Variants in CPB2 observed in about 807,000 individuals in gnomAD.
CPB2 encodes carboxypeptidase B-like protein.
In CPB2, 54 loss-of-function variants were observed where a neutral mutation model predicts 57.0. The ratio of observed to expected loss-of-function variants is 0.95; its 90% CI spans 0.76 to 1.19. CPB2 has a LOEUF of 1.19. CPB2 is among the 50% of genes most tolerant of loss of function. The pLI is 0.00. For synonymous variants in CPB2, 189 were observed against 178.1 expected (o/e 1.06, Z -0.49); for missense variants, 426 against 512.0 (o/e 0.83, Z 1.62).
chr13:46,055,016 G>A (rs1487428067), intron 10 of CPB2, among the ~76,000 whole-genome samples: 1 of 150,880 alleles, frequency 6.6e-6, no homozygotes, highest in East Asian at 2.0e-4. Context: ...CTCCCAAAGT[G>A]CTGGTATTAC....
chr13:46,078,976 C>T, intron 4 of CPB2, 75 bp from the exon 5 acceptor site: 1 of 914,980 alleles, frequency 1.1e-6, no homozygotes, highest in Non-Finnish European at 1.8e-6. Flanking sequence ...AAGCAGACAA[C>T]TTCTTCAGAG....
chr13:46,066,680 T>C (rs2044859367), intron 7 of CPB2, among the ~76,000 whole-genome samples: 1 of 151,708 alleles, frequency 6.6e-6, no homozygotes, highest in Non-Finnish European at 1.5e-5. Flanking sequence ...CTGTCTCTAC[T>C]AAAAATACAA....
At chr13:46,086,358 A>T (rs1357331443) in intron 2 of CPB2, among the ~76,000 whole-genome samples, 1 of 152,098 alleles carries the variant, frequency 6.6e-6, no homozygotes, top group African/African-American at 2.4e-5. Context: ...GGTGAAGAGG[A>T]GCTTTACTGA....
intron 2 of CPB2, among the ~76,000 whole-genome samples, chr13:46,084,547 A>T (rs1173272404): frequency 6.7e-6 from 1 of 149,726 alleles, no homozygotes. Flanking sequence ...TCTAGTTGCT[A>T]AAAAAAAATA....
Position 46,055,775 on chromosome 13 carries a change from G to T in CPB2, c.1074C>A (p.Gly358=). 6.3e-7 allele frequency: 1 copy of T among 1,586,690 alleles called. No individual in the cohort carries two copies. The highest frequency in any genetic ancestry group is 8.6e-7 in the Non-Finnish European group (1 of 1,159,708). The change falls in exon 10 of 11, where the codon GGC becomes GGA. Residue 358 remains glycine, a synonymous_variant. Coordinates refer to ENST00000181383, the MANE Select transcript of CPB2 (RefSeq NM_001872.5). ...SKNTRYTHGH[G]SETLYLAPGG... ...AGAAATACTTACATAAGGTTTCTGA[G>T]CCATGGCCATGTGTATACCTGGTAT... is the stretch of plus-strand genomic sequence containing the variant.
chr13:46,068,699 C>G (rs9567611), intron 6 of CPB2, among the ~76,000 whole-genome samples: 47,040 of 145,592 alleles, frequency 0.32, 7,257 homozygotes, highest in African/African-American at 0.36. Context: ...CCTAGCCCCC[C>G]ACCCCCGACA....
chr13:46,067,409 T>C lies in CPB2; in HGVS notation c.600A>G (p.Gln200=), dbSNP rs997627968. 9.9e-6 allele frequency: 15 copies of C among 1,509,392 alleles called. No individual in the cohort carries two copies. Among genetic ancestry groups the C allele is most frequent in the Admixed American group, 8.5e-5 (5 of 58,884 alleles). 93.5% of individuals were successfully genotyped at this position (1,509,392 alleles called of 1,614,324 possible). A position where few individuals can be genotyped will look rare whatever the true frequency, so the allele number is the denominator to read the frequency against. ...FCLWFIGHIT[Q]FYGIIGQYTN... ...TATATTGCCCTATTATCCCATAGAA[T>C]TGAGTTATCTGCAAATTAAACCAAG... The change falls in exon 7 of 11, where the codon CAA becomes CAG. Residue 200 remains glutamine, a synonymous_variant. Coordinates refer to ENST00000181383, the MANE Select transcript of CPB2 (RefSeq NM_001872.5).
chr13:46,078,761 C>T (rs1443288708), intron 5 of CPB2, 39 bp downstream of exon 5: 2 of 1,266,768 alleles, frequency 1.6e-6, no homozygotes, highest in Non-Finnish European at 2.3e-6. Context: ...TAATCCCTCC[C>T]CTCACAGTGA....
chr13:46,069,129 T>C (rs2044899680), intron 6 of CPB2, among the ~76,000 whole-genome samples: 1 of 152,326 alleles, frequency 6.6e-6, no homozygotes, highest in South Asian at 2.1e-4. Flanking sequence ...GGAATCTTTC[T>C]ACAAAAAGTT....
chr13:46,078,237 A>G (rs2045054152), intron 5 of CPB2, among the ~76,000 whole-genome samples: 1 of 152,198 alleles, frequency 6.6e-6, no homozygotes, highest in Non-Finnish European at 1.5e-5. Flanking sequence ...AAAAATTAAC[A>G]TCAAAAAGCT....
At chr13:46,072,065 T>C (rs2044950950) in intron 6 of CPB2, among the ~76,000 whole-genome samples, 1 of 152,190 alleles carries the variant, frequency 6.6e-6, no homozygotes, top group South Asian at 2.1e-4. Flanking sequence ...CATGCACAAA[T>C]TGGTCTCAGC....
At chr13:46,059,056 A>T (rs2044735596) in intron 8 of CPB2, among the ~76,000 whole-genome samples, 1 of 152,224 alleles carries the variant, frequency 6.6e-6, no homozygotes, top group Non-Finnish European at 1.5e-5. Flanking sequence ...TTGAGGGCTC[A>T]GGATTGGGTC....
chr13:46,058,256 T>C lies in CPB2; in HGVS notation c.922A>G (p.Ser308Gly). 1 of 1,613,698 alleles carries C rather than the reference T, an allele frequency of 6.2e-7. No homozygotes were observed. The highest frequency in any genetic ancestry group is 1.1e-5 in the South Asian group (1 of 91,076). ...ATATGCTGGGAGTATGAATGCATGCTGATGTATGCTTTAATCTGGTTGATA... is the reference window on the plus strand; with the variant it reads ...ATATGCTGGGAGTATGAATGCATGCCGATGTATGCTTTAATCTGGTTGATA... ...RNINQIKAYI[S>G]MHSYSQHIVF... Residue 308 changes from serine to glycine, a missense_variant, in exon 9 of 11, where the codon AGC becomes GGC. Coordinates refer to ENST00000181383, the MANE Select transcript of CPB2 (RefSeq NM_001872.5).
intron 1 of CPB2, among the ~76,000 whole-genome samples, chr13:46,096,791 A>G (rs914645469): frequency 9.2e-5 from 14 of 152,148 alleles, no homozygotes; most frequent in African/African-American, 3.4e-4. Flanking sequence ...AAAAGAAAAA[A>G]AAAAGTGAAG....
At chr13:46,071,782 T>C (rs959695727) in intron 6 of CPB2, among the ~76,000 whole-genome samples, 6 of 152,166 alleles carry the variant, frequency 3.9e-5, no homozygotes, top group Non-Finnish European at 7.4e-5. Context: ...GCCCCTCTAC[T>C]TGAAGGAGCC....
intron 6 of CPB2, among the ~76,000 whole-genome samples, chr13:46,068,773 T>C (rs1252516957): frequency 6.6e-6 from 1 of 151,486 alleles, no homozygotes; most frequent in Non-Finnish European, 1.5e-5. Context: ...CTCCCACTTA[T>C]GAGTGAGAAC....
At chr13:46,070,536 A>C (rs754985088) in intron 6 of CPB2, among the ~76,000 whole-genome samples, 12 of 152,122 alleles carry the variant, frequency 7.9e-5, no homozygotes, top group Non-Finnish European at 1.3e-4. Context: ...TTTGCCTTTA[A>C]TGTGGCCCTA....
intron 5 of CPB2, among the ~76,000 whole-genome samples, chr13:46,077,427 A>T (rs959352209): frequency 2.0e-5 from 3 of 152,090 alleles, no homozygotes; most frequent in Non-Finnish European, 4.4e-5. Flanking sequence ...GGCAATTACG[A>T]ATGCTAGAGA....
In CPB2 at chr13:46,058,225, A is replaced by G. The variant is rs771568397; in HGVS notation, c.953T>C (p.Phe318Ser). 6.2e-7 allele frequency: 1 copy of G among 1,614,100 alleles called. No individual in the cohort carries two copies. ...SMHSYSQHIV[F>S]PYSYTRSKSK... is the part of the protein sequence containing the mutation. ...TTTACTTCGTGTATAGGAATATGGAAACACTATATGCTGGGAGTATGAATG... is the reference window on the plus strand; with the variant it reads ...TTTACTTCGTGTATAGGAATATGGAGACACTATATGCTGGGAGTATGAATG... Residue 318 changes from phenylalanine to serine, a missense_variant, in exon 9 of 11, where the codon TTT becomes TCT. Transcript: ENST00000181383.
Sources: gnomAD v4.1 joint callset for allele counts (sites outside exome capture counted in the v4.1 genomes callset) on GRCh38, gnomAD v4.1.1 for gene constraint, MANE v1.5 for transcripts, NCBI Gene and HGNC (gene_info 2026-07-23, HGNC 2026-07-21) for gene names.